Variants in ZNF599 observed in about 807,000 individuals in gnomAD.
ZNF599 encodes zinc finger protein 599.
In ZNF599, 10 loss-of-function variants were observed where a neutral mutation model predicts 11.7. The ratio of observed to expected loss-of-function variants is 0.86; its 90% CI spans 0.53 to 1.45. The LOEUF (loss-of-function observed/expected upper bound fraction) is 1.45. Among genes scored for constraint, ZNF599 ranks in the 40% most tolerant of loss-of-function variants. The probability of loss-of-function intolerance (pLI) is 0.00; values close to 1 mark genes in which losing one functional copy is unlikely to be tolerated. For missense variants in ZNF599, 688 were observed against 713.6 expected (o/e 0.96, Z 0.41); for synonymous variants, 232 against 253.2 (o/e 0.92, Z 0.79).
upstream of ZNF599, among the ~76,000 whole-genome samples, chr19:34,777,889 G>A (rs189933014): frequency 1.6e-3 from 238 of 152,056 alleles, no homozygotes; most frequent in African/African-American, 5.4e-3. Flanking sequence ...GTTCTAGAGA[G>A]CTGCTGAACA....
chr19:34,779,456 C>A, the ZNF599 span: 1 of 456,472 alleles, frequency 2.2e-6, no homozygotes. Flanking sequence ...AGTGAACTCT[C>A]TGATGTTTAC....
At chr19:34,775,815 C>T (rs1183718180), upstream of ZNF599, among the ~76,000 whole-genome samples, 4 of 152,142 alleles carry the variant, frequency 2.6e-5, no homozygotes, top group East Asian at 7.7e-4. Context: ...GGTGTGTCAA[C>T]AAAACATATT....
At chr19:34,761,919 CTAGAG>C (rs778494120) in intron 3 of ZNF599, among the ~76,000 whole-genome samples, 4 of 152,116 alleles carry the variant, frequency 2.6e-5, no homozygotes, top group Non-Finnish European at 4.4e-5. Flanking sequence ...GTCAATTTGA[CTAGAG>C]TAAATATAAT....
rs557321637 is a variant in ZNF599, at chr19:34,762,675, T to C, written c.242-2116A>G. On this transcript the variant is annotated intron_variant, in intron 3 of 3. Coordinates refer to ENST00000329285, the MANE Select transcript of ZNF599 (RefSeq NM_001007248.3). Reference sequence around the variant, plus strand: ...AAAAAAAATGAGTGAACTACAGCTATATGCATCATGAATGTTAGTAACTTA... The same window carrying C: ...AAAAAAAATGAGTGAACTACAGCTACATGCATCATGAATGTTAGTAACTTA... 1.9e-4 allele frequency: 29 copies of C among 152,334 alleles called. No individual in the cohort carries two copies. In the South Asian group the frequency reaches 5.6e-3, roughly 29 times the overall value. The allele number at this position is 152,334 out of a possible 1,614,324, so 9.4% of individuals were successfully genotyped here.
chr19:34,793,532 C>G, the ZNF599 span, among the ~76,000 whole-genome samples: 3 of 152,226 alleles, frequency 2.0e-5, no homozygotes, highest in South Asian at 4.1e-4. Flanking sequence ...TCACTTTTCA[C>G]AAATCAGTTT....
chr19:34,795,713 G>A, the ZNF599 span, among the ~76,000 whole-genome samples: 1 of 152,214 alleles, frequency 6.6e-6, no homozygotes, highest in Non-Finnish European at 1.5e-5. Context: ...GCTGTCTAAG[G>A]CAACATTGGC....
At chr19:34,772,476 G>A in intron 1 of ZNF599, 3 of 1,171,456 alleles carry the variant, frequency 2.6e-6, no homozygotes, top group Non-Finnish European at 3.2e-6. Flanking sequence ...TCCGAGCAGT[G>A]AAAGACAGGA....
chr19:34,804,734 C>T, the ZNF599 span, among the ~76,000 whole-genome samples: 2 of 152,208 alleles, frequency 1.3e-5, no homozygotes, highest in Non-Finnish European at 2.9e-5. Context: ...TCCTTCATTT[C>T]TGTGGAGTCT....
At chr19:34,765,576 C>G (rs934512608) in intron 3 of ZNF599, 1 of 702,848 alleles carries the variant, frequency 1.4e-6, no homozygotes, top group Non-Finnish European at 2.6e-6. Context: ...AAAGTGTAAT[C>G]TAGATTCTGC....
intron 1 of ZNF599, 56 bp downstream of exon 1, chr19:34,772,768 T>C: frequency 2.6e-6 from 4 of 1,535,010 alleles, no homozygotes; most frequent in Non-Finnish European, 3.5e-6. Context: ...TTACAGCGGA[T>C]GGGTGCATGC....
chr19:34,783,353 G>C, the ZNF599 span, among the ~76,000 whole-genome samples: 2 of 152,328 alleles, frequency 1.3e-5, no homozygotes, highest in Admixed American at 1.3e-4. Flanking sequence ...AAGAGGCAAG[G>C]CAGGGTAGGT....
chr19:34,779,231 C>T, the ZNF599 span, among the ~76,000 whole-genome samples: 8 of 149,982 alleles, frequency 5.3e-5, no homozygotes, highest in African/African-American at 1.7e-4. Context: ...AGGTATGTGC[C>T]ACCATGCCCA....
At chr19:34,804,374 A>C in the ZNF599 span, among the ~76,000 whole-genome samples, 1 of 152,230 alleles carries the variant, frequency 6.6e-6, no homozygotes, top group South Asian at 2.1e-4. Flanking sequence ...CTTCAGGCTC[A>C]GTTCTCTCCC....
the ZNF599 span, among the ~76,000 whole-genome samples, chr19:34,797,402 A>G: frequency 3.3e-5 from 5 of 152,052 alleles, no homozygotes; most frequent in Non-Finnish European, 5.9e-5. Context: ...GACTTCCACA[A>G]TGGTTGAACT....
the ZNF599 span, among the ~76,000 whole-genome samples, chr19:34,789,533 A>G: frequency 6.6e-6 from 1 of 152,150 alleles, no homozygotes; most frequent in Non-Finnish European, 1.5e-5. Context: ...TCTCTTTTTG[A>G]TAACAGCCAT....
At chr19:34,776,829 A>G (rs2069218304), upstream of ZNF599, among the ~76,000 whole-genome samples, 1 of 152,212 alleles carries the variant, frequency 6.6e-6, no homozygotes, top group South Asian at 2.1e-4. Context: ...GCAGTTTTGC[A>G]GTCATATTTA....
intron 3 of ZNF599, chr19:34,763,885 G>C (rs1413818534): frequency 6.6e-6 from 1 of 152,124 alleles, no homozygotes; most frequent in Non-Finnish European, 1.5e-5. Flanking sequence ...GGAGTTACCA[G>C]CCTGGCCAAC....
chr19:34,785,698 G>A, the ZNF599 span, among the ~76,000 whole-genome samples: 1 of 152,216 alleles, frequency 6.6e-6, no homozygotes, highest in Admixed American at 6.5e-5. Context: ...TATCCAGTGA[G>A]CAACATGAAC....
the ZNF599 span, among the ~76,000 whole-genome samples, chr19:34,795,083 T>G: frequency 6.6e-6 from 1 of 152,192 alleles, no homozygotes; most frequent in Non-Finnish European, 1.5e-5. Context: ...ATGGAATTTA[T>G]GTAATCTAGA....
Sources: gnomAD v4.1 joint callset for allele counts (sites outside exome capture counted in the v4.1 genomes callset) on GRCh38, gnomAD v4.1.1 for gene constraint, MANE v1.5 for transcripts, NCBI Gene and HGNC (gene_info 2026-07-23, HGNC 2026-07-21) for gene names.